ERBIN: variants seen among roughly 807,000 people sequenced by gnomAD.
The protein encoded by ERBIN is densin-180-like protein.
ERBIN carries 60 observed loss-of-function variants against 158.4 expected under a neutral mutation model. That is an observed-to-expected ratio of 0.38 (90% confidence interval 0.31 to 0.47). The LOEUF is 0.47. ERBIN is among the 20% of genes least tolerant of loss of function. The pLI is 0.99. For missense variants in ERBIN, 1,610 were observed against 1,648.0 expected (o/e 0.98, Z 0.40); for synonymous variants, 594 against 557.2 (o/e 1.07, Z -0.93).
chr5:66,009,407 A>AT (rs1270770505), intron 4 of ERBIN, among the ~76,000 whole-genome samples: 2 of 152,230 alleles, frequency 1.3e-5, no homozygotes, highest in African/African-American at 2.4e-5. Flanking sequence ...TTCAGCAAAC[A>AT]TTTGTTGTAC....
At chr5:66,077,164 A>G (rs1048049884) in intron 25 of ERBIN, among the ~76,000 whole-genome samples, 2 of 151,966 alleles carry the variant, frequency 1.3e-5, no homozygotes. Flanking sequence ...AAAAAAAAAA[A>G]AAAAAGTTTG....
intron 1 of ERBIN, among the ~76,000 whole-genome samples, chr5:65,940,476 T>TC (rs1244777484): frequency 0.063 from 1,166 of 18,462 alleles, 153 homozygotes; most frequent in East Asian, 0.097. Flanking sequence ...GGGGGGTCAG[T>TC]CCCCCCCCCC....
intron 1 of ERBIN, among the ~76,000 whole-genome samples, chr5:65,943,583 C>CA (rs1393844077): frequency 5.3e-5 from 8 of 152,138 alleles, no homozygotes; most frequent in Non-Finnish European, 2.9e-5. Flanking sequence ...TCTTTGTGTA[C>CA]ATCCTGTTCA....
intron 4 of ERBIN, among the ~76,000 whole-genome samples, chr5:66,010,733 TG>T (rs1477450538): frequency 1.3e-5 from 2 of 152,230 alleles, no homozygotes; most frequent in Non-Finnish European, 2.9e-5. Context: ...ATCATGTTAA[TG>T]GAGCAATGGA....
intron 14 of ERBIN, among the ~76,000 whole-genome samples, chr5:66,034,141 A>C (rs925024187): frequency 4.0e-5 from 6 of 151,668 alleles, no homozygotes; most frequent in Admixed American, 2.6e-4. Flanking sequence ...GAATATGAGA[A>C]GCAGTTGGAT....
chr5:66,036,879 T>C (rs948855495), intron 14 of ERBIN, among the ~76,000 whole-genome samples: 1 of 152,232 alleles, frequency 6.6e-6, no homozygotes, highest in African/African-American at 2.4e-5. Context: ...AGGCCAGATA[T>C]ACTGTTCTCA....
At chr5:66,021,140 A>G (rs979974583) in intron 7 of ERBIN, among the ~76,000 whole-genome samples, 182 bp from the exon 8 acceptor site, 5 of 150,132 alleles carry the variant, frequency 3.3e-5, no homozygotes, top group African/African-American at 1.2e-4. Flanking sequence ...ATAATAACTG[A>G]TAATTATTTT....
intron 20 of ERBIN, among the ~76,000 whole-genome samples, chr5:66,051,564 T>C (rs1292815569): frequency 6.6e-6 from 1 of 152,152 alleles, no homozygotes; most frequent in East Asian, 1.9e-4. Flanking sequence ...TCTACCATAG[T>C]GTTACTCTAT....
intron 1 of ERBIN, among the ~76,000 whole-genome samples, chr5:65,946,053 C>T (rs1023190245): frequency 2.0e-5 from 3 of 152,022 alleles, no homozygotes; most frequent in African/African-American, 7.3e-5. Flanking sequence ...TGCATTTTGT[C>T]TTTTCAAAAA....
chr5:66,063,945 A>G (rs1299404451), intron 21 of ERBIN, among the ~76,000 whole-genome samples: 1 of 152,290 alleles, frequency 6.6e-6, no homozygotes, highest in African/African-American at 2.4e-5. Flanking sequence ...TCATGATTTC[A>G]TTATTAATCA....
chr5:66,033,853 A>G (rs1757128163), intron 14 of ERBIN, among the ~76,000 whole-genome samples: 1 of 152,150 alleles, frequency 6.6e-6, no homozygotes, highest in South Asian at 2.1e-4. Context: ...TCATGCCTGT[A>G]GTCCCAACAC....
intron 1 of ERBIN, among the ~76,000 whole-genome samples, chr5:65,954,401 G>T (rs1746855270): frequency 6.6e-6 from 1 of 152,266 alleles, no homozygotes; most frequent in Middle Eastern, 3.4e-3. Context: ...GAGAGTAACA[G>T]GTGAGAGTAC....
intron 15 of ERBIN, 39 bp downstream of exon 15, chr5:66,038,521 T>A (rs777992807): frequency 2.2e-5 from 32 of 1,464,634 alleles, no homozygotes; most frequent in Non-Finnish European, 2.8e-5. Context: ...TAAAAACAAA[T>A]ACTAATTTAA....
chr5:66,021,188 A>G, intron 7 of ERBIN, 134 bp from the exon 8 acceptor site: 3 of 474,492 alleles, frequency 6.3e-6, no homozygotes, highest in Non-Finnish European at 1.1e-5. Flanking sequence ...TTAGAAAATT[A>G]ATATTTTTAT....
chr5:66,049,779 CAGTT>C (rs901826498), intron 19 of ERBIN, among the ~76,000 whole-genome samples: 5 of 151,992 alleles, frequency 3.3e-5, no homozygotes, highest in African/African-American at 1.2e-4. Context: ...GGCTAGAATT[CAGTT>C]AGTTAAAAAA....
At chr5:66,045,827 T>C (rs1483531649) in intron 17 of ERBIN, among the ~76,000 whole-genome samples, 2 of 152,204 alleles carry the variant, frequency 1.3e-5, no homozygotes, top group African/African-American at 4.8e-5. Flanking sequence ...CCTGTTAATA[T>C]TGGTCCATTT....
chr5:66,002,846 C>G (rs1248081738), intron 4 of ERBIN, among the ~76,000 whole-genome samples: 1 of 152,150 alleles, frequency 6.6e-6, no homozygotes, highest in African/African-American at 2.4e-5. Flanking sequence ...TGCCATTTTG[C>G]TTTGTAGTTG....
chr5:66,048,549 A>G, intron 18 of ERBIN, 118 bp from the exon 19 acceptor site: 1 of 645,202 alleles, frequency 1.5e-6, no homozygotes, highest in African/African-American at 1.9e-5. Context: ...CCGTATCTTG[A>G]AAAGGTTTAA....
At chr5:66,058,222 C>T (rs1759838257) in intron 21 of ERBIN, among the ~76,000 whole-genome samples, 1 of 151,640 alleles carries the variant, frequency 6.6e-6, no homozygotes, top group Non-Finnish European at 1.5e-5. Context: ...TTAATGATTG[C>T]CATTCTAACT....
Sources: gnomAD v4.1 joint callset for allele counts (sites outside exome capture counted in the v4.1 genomes callset) on GRCh38, gnomAD v4.1.1 for gene constraint, MANE v1.5 for transcripts, NCBI Gene and HGNC (gene_info 2026-07-23, HGNC 2026-07-21) for gene names.